PDE4D: variants seen among roughly 807,000 people sequenced by gnomAD.
PDE4D encodes 3',5'-cyclic-AMP phosphodiesterase 4D.
PDE4D carries 24 observed loss-of-function variants against 87.4 expected under a neutral mutation model. That is an observed-to-expected ratio of 0.27 (90% CI 0.20 to 0.39). The LOEUF is 0.39. Among genes scored for constraint, PDE4D ranks in the 10% least tolerant of loss-of-function variants. PDE4D has a pLI of 1.00. For missense variants in PDE4D, 714 were observed against 1,041.0 expected (o/e 0.69, Z 4.32); for synonymous variants, 384 against 383.2 (o/e 1.00, Z -0.02).
intron 2 of PDE4D, among the ~76,000 whole-genome samples, chr5:60,131,983 C>A (rs1217125255): frequency 6.6e-6 from 1 of 152,202 alleles, no homozygotes; most frequent in Admixed American, 6.5e-5. Flanking sequence ...GTAATCAACA[C>A]CACTCACTCA....
intron 1 of PDE4D, among the ~76,000 whole-genome samples, chr5:60,480,539 G>A (rs1170795386): frequency 1.3e-5 from 2 of 151,140 alleles, no homozygotes; most frequent in African/African-American, 4.9e-5. Context: ...GGCAGAGCTG[G>A]GATCTGAACC....
At chr5:60,468,143 T>TTTTTTTTG (rs1280982836) in intron 1 of PDE4D, among the ~76,000 whole-genome samples, 3 of 149,894 alleles carry the variant, frequency 2.0e-5, no homozygotes, top group East Asian at 3.9e-4. Context: ...TTTTCTTTTT[T>TTTTTTTTG]TTTTGTTTTT....
At chr5:60,025,866 A>G (rs553108686) in intron 2 of PDE4D, among the ~76,000 whole-genome samples, 1 of 152,200 alleles carries the variant, frequency 6.6e-6, no homozygotes, top group South Asian at 2.1e-4. Context: ...TGGGCAATAC[A>G]GTGAGACCCT....
At chr5:59,812,065 T>C (rs1768415762) in intron 1 of PDE4D, among the ~76,000 whole-genome samples, 1 of 152,198 alleles carries the variant, frequency 6.6e-6, no homozygotes, top group South Asian at 2.1e-4. Flanking sequence ...CTGCCATCTT[T>C]TCTGATAGTA....
intron 1 of PDE4D, among the ~76,000 whole-genome samples, chr5:60,292,619 G>A (rs1303130033): frequency 6.6e-6 from 1 of 152,184 alleles, no homozygotes; most frequent in Non-Finnish European, 1.5e-5. Flanking sequence ...GCAGTGAAGA[G>A]TTATGAAGGC....
chr5:59,598,307 A>G (rs1418944907), intron 1 of PDE4D, among the ~76,000 whole-genome samples: 2 of 152,118 alleles, frequency 1.3e-5, no homozygotes, highest in African/African-American at 4.8e-5. Context: ...TTTCTCACTG[A>G]CCCTCCCTTT....
At chr5:59,908,572 A>G (rs1753097450) in intron 3 of PDE4D, among the ~76,000 whole-genome samples, 1 of 152,164 alleles carries the variant, frequency 6.6e-6, no homozygotes, top group Admixed American at 6.5e-5. Flanking sequence ...ATGTTCGCAT[A>G]TGTTTGTTCT....
intron 1 of PDE4D, among the ~76,000 whole-genome samples, chr5:59,786,939 A>T (rs530020590): frequency 1.3e-3 from 199 of 152,356 alleles, no homozygotes; most frequent in Non-Finnish European, 2.6e-3. Context: ...AGGGAAATAA[A>T]CAAAAGCGAT....
At chr5:59,803,510 G>C (rs562802704) in intron 1 of PDE4D, among the ~76,000 whole-genome samples, 1 of 152,092 alleles carries the variant, frequency 6.6e-6, no homozygotes, top group South Asian at 2.1e-4. Flanking sequence ...TGGTGGCCAG[G>C]CTGGTCTCGA....
At chr5:59,543,932 A>T (rs1816803825) in intron 1 of PDE4D, among the ~76,000 whole-genome samples, 1 of 152,214 alleles carries the variant, frequency 6.6e-6, no homozygotes, top group African/African-American at 2.4e-5. Context: ...GACATAAAAT[A>T]AGCTCTCCAA....
In PDE4D at chr5:59,762,429, TATATGTGTATATGGGTACAC is replaced by T. The variant is rs1467062417; in HGVS notation, c.455+130719_455+130738del. ...ATATGTGTATATGGGTACACATGTGTATATGTGTATATGGGTACACATATGTGTATATGTGTATATGGGTA... is the reference window on the plus strand; with the variant it reads ...ATATGTGTATATGGGTACACATGTGTATATGTGTATATGTGTATATGGGTA... On this transcript the variant is annotated intron_variant, in intron 1 of 14. Transcript: ENST00000340635. Among the ~76,000 whole-genome samples the T allele has an allele frequency of 4.1e-4, 55 of 134,544 alleles. 1 individual carries two copies. Among genetic ancestry groups the T allele is most frequent in the Non-Finnish European group, 7.7e-4 (49 of 63,810 alleles). 88.3% of individuals were successfully genotyped at this position (134,544 alleles called of 152,430 possible). A position where few individuals can be genotyped will look rare whatever the true frequency, so the allele number is the denominator to read the frequency against.
intron 3 of PDE4D, among the ~76,000 whole-genome samples, chr5:59,975,743 T>C (rs1761255867): frequency 6.6e-6 from 1 of 152,240 alleles, no homozygotes; most frequent in Admixed American, 6.5e-5. Context: ...GTACCTTCAA[T>C]TGGCATTCTG....
At chr5:59,759,874 C>G (rs995920253) in intron 1 of PDE4D, among the ~76,000 whole-genome samples, 1 of 152,160 alleles carries the variant, frequency 6.6e-6, no homozygotes, top group Non-Finnish European at 1.5e-5. Context: ...CAGCAATGCT[C>G]TTCTCCGGGT....
At chr5:60,184,886 T>C (rs1447966471) in intron 2 of PDE4D, among the ~76,000 whole-genome samples, 1 of 152,180 alleles carries the variant, frequency 6.6e-6, no homozygotes, top group Admixed American at 6.5e-5. Flanking sequence ...TCTTAGCGCT[T>C]GCTTGATGGA....
intron 1 of PDE4D, among the ~76,000 whole-genome samples, chr5:59,628,504 C>T (rs1831169766): frequency 6.6e-6 from 1 of 151,550 alleles, no homozygotes; most frequent in African/African-American, 2.4e-5. Context: ...CTAGTGAATA[C>T]CAATTTGGAT....
At chr5:59,331,267 A>G (rs1776679127) in intron 1 of PDE4D, among the ~76,000 whole-genome samples, 1 of 152,220 alleles carries the variant, frequency 6.6e-6, no homozygotes, top group Non-Finnish European at 1.5e-5. Flanking sequence ...GTTTTAAAAC[A>G]GTTCCGGAGG....
At chr5:59,753,010 T>C (rs1057312958) in intron 1 of PDE4D, among the ~76,000 whole-genome samples, 2 of 152,194 alleles carry the variant, frequency 1.3e-5, no homozygotes, top group East Asian at 1.9e-4. Context: ...TGTCCATTTG[T>C]ATATCTGGGC....
At chr5:59,069,505 C>A (rs945197753) in intron 5 of PDE4D, among the ~76,000 whole-genome samples, 3 of 140,808 alleles carry the variant, frequency 2.1e-5, no homozygotes, top group Non-Finnish European at 4.7e-5. Flanking sequence ...TCTTATGGAA[C>A]AAGAAGCTTT....
intron 1 of PDE4D, among the ~76,000 whole-genome samples, chr5:59,363,224 G>T (rs1248609029): frequency 1.3e-5 from 2 of 151,936 alleles, no homozygotes. Flanking sequence ...GACTGAATAG[G>T]GTAACTAACA....
Sources: allele counts gnomAD v4.1 joint callset (sites outside exome capture counted in the v4.1 genomes callset), GRCh38; gene constraint gnomAD v4.1.1; transcripts MANE v1.5; gene names NCBI Gene and HGNC (gene_info 2026-07-23, HGNC 2026-07-21).